CAMKMT: variants seen among roughly 807,000 people sequenced by gnomAD.
CAMKMT encodes the protein calmodulin-lysine N-methyltransferase.
In CAMKMT, 53 loss-of-function variants were observed where a neutral mutation model predicts 48.0. That is an observed-to-expected ratio of 1.10 (90% CI 0.89 to 1.39). The LOEUF (loss-of-function observed/expected upper bound fraction) is 1.39, where lower values mean the gene tolerates loss of function less well. Among genes scored for constraint, CAMKMT ranks in the 40% most tolerant of loss-of-function variants. The pLI, the probability that CAMKMT is intolerant of heterozygous loss-of-function variation, is 0.00. For missense variants in CAMKMT, 428 were observed against 402.7 expected (o/e 1.06, Z -0.54); for synonymous variants, 165 against 152.3 (o/e 1.08, Z -0.61).
chr2:44,654,220 G>A (rs1009300891), intron 3 of CAMKMT, among the ~76,000 whole-genome samples: 1 of 152,126 alleles, frequency 6.6e-6, no homozygotes, highest in Non-Finnish European at 1.5e-5. Flanking sequence ...TCCAAATCCA[G>A]TTGTGGGGGA....
intron 3 of CAMKMT, among the ~76,000 whole-genome samples, chr2:44,546,090 T>G (rs182989305): frequency 4.9e-4 from 74 of 151,870 alleles, no homozygotes; most frequent in Non-Finnish European, 4.4e-5. Context: ...GAGTTATCTT[T>G]TGTCTATAAC....
At chr2:44,687,704 G>A (rs1238730240) in intron 3 of CAMKMT, among the ~76,000 whole-genome samples, 2 of 152,162 alleles carry the variant, frequency 1.3e-5, no homozygotes, top group Non-Finnish European at 2.9e-5. Flanking sequence ...ATTAAACCAG[G>A]GATTGGTTTT....
At chr2:44,494,340 G>C (rs1294197605) in intron 3 of CAMKMT, among the ~76,000 whole-genome samples, 1 of 152,128 alleles carries the variant, frequency 6.6e-6, no homozygotes, top group Non-Finnish European at 1.5e-5. Flanking sequence ...TTGAGATTTT[G>C]TGAGTGGTAT....
intron 3 of CAMKMT, among the ~76,000 whole-genome samples, chr2:44,633,880 T>G (rs979520513): frequency 6.6e-6 from 1 of 152,176 alleles, no homozygotes; most frequent in Non-Finnish European, 1.5e-5. Flanking sequence ...GGTAGTCAGT[T>G]AAGCTACTTG....
At chr2:44,717,737 A>C (rs1678245545) in intron 7 of CAMKMT, among the ~76,000 whole-genome samples, 1 of 152,070 alleles carries the variant, frequency 6.6e-6, no homozygotes, top group African/African-American at 2.4e-5. Context: ...GCTTGACATG[A>C]GGTTTGTAAC....
At chr2:44,674,378 G>A (rs1158256573) in intron 3 of CAMKMT, among the ~76,000 whole-genome samples, 3 of 152,160 alleles carry the variant, frequency 2.0e-5, no homozygotes, top group Admixed American at 1.3e-4. Context: ...TCAGCATCTT[G>A]ACTGCAGGGA....
At chr2:44,451,190 A>C (rs1021743538) in intron 3 of CAMKMT, among the ~76,000 whole-genome samples, 1 of 152,104 alleles carries the variant, frequency 6.6e-6, no homozygotes, top group African/African-American at 2.4e-5. Context: ...TTATCATAGC[A>C]AAAGAAACAC....
intron 3 of CAMKMT, among the ~76,000 whole-genome samples, chr2:44,444,812 G>A (rs1018325439): frequency 6.6e-6 from 1 of 152,156 alleles, no homozygotes; most frequent in African/African-American, 2.4e-5. Context: ...CCAAATCTTA[G>A]CAAGCATAAC....
In CAMKMT at chr2:44,608,796, A is replaced by G. The variant is rs149129605; in HGVS notation, c.377-95487A>G. On this transcript the variant is annotated intron_variant, in intron 3 of 10. Coordinates refer to ENST00000378494, the MANE Select transcript of CAMKMT (RefSeq NM_024766.5). ...TTTCTTACCAGTCATTTTTGAAGAA[A>G]ACAGGGTCATTTGTCCTGTAAAATT... Among the ~76,000 whole-genome samples, 174 of 152,272 alleles carry G rather than the reference A, an allele frequency of 1.1e-3. 1 individual carries two copies. The East Asian group carries it at 0.025, about 22-fold the overall frequency.
intron 3 of CAMKMT, among the ~76,000 whole-genome samples, chr2:44,630,426 C>T (rs1401810727): frequency 6.7e-6 from 1 of 150,092 alleles, no homozygotes; most frequent in African/African-American, 2.4e-5. Context: ...AGCTTCTGCA[C>T]AGCAAAAGAA....
intron 7 of CAMKMT, among the ~76,000 whole-genome samples, chr2:44,731,821 C>A (rs1284426907): frequency 6.6e-6 from 1 of 152,254 alleles, no homozygotes; most frequent in Non-Finnish European, 1.5e-5. Context: ...CAATGATACT[C>A]AGCATCTCTC....
chr2:44,391,079 T>TC (rs201626733), intron 3 of CAMKMT, among the ~76,000 whole-genome samples: 48 of 152,322 alleles, frequency 3.2e-4, no homozygotes, highest in African/African-American at 1.2e-3. Context: ...GTACTCATAC[T>TC]CTTTTTCTCA....
intron 3 of CAMKMT, among the ~76,000 whole-genome samples, chr2:44,575,691 G>A (rs1234251839): frequency 2.6e-5 from 4 of 151,996 alleles, no homozygotes; most frequent in African/African-American, 9.7e-5. Flanking sequence ...GCAACATGGC[G>A]AAACCCCATC....
At chr2:44,692,197 T>A (rs1213237408) in intron 3 of CAMKMT, among the ~76,000 whole-genome samples, 1 of 152,132 alleles carries the variant, frequency 6.6e-6, no homozygotes, top group Non-Finnish European at 1.5e-5. Context: ...GTTGATAAAA[T>A]TCCCTGAATA....
In CAMKMT at chr2:44,708,137, C is replaced by G. The variant is rs555310914; in HGVS notation, c.556+675C>G. ...GCATAAATGTAGCTACTTTAGCAGT[C>G]GAGCTGATTTGTTCAGGGGCAGTTA... is the stretch of plus-strand genomic sequence containing the variant. On this transcript the variant is annotated intron_variant, in intron 6 of 10. Transcript: ENST00000378494. Among the ~76,000 whole-genome samples the G allele has an allele frequency of 2.1e-5, 3 of 145,724 alleles. No individual in the cohort carries two copies. In the East Asian group the frequency reaches 6.2e-4, roughly 30 times the overall value.
chr2:44,674,628 C>T (rs1411989290), intron 3 of CAMKMT, among the ~76,000 whole-genome samples: 4 of 152,280 alleles, frequency 2.6e-5, no homozygotes, highest in Admixed American at 6.5e-5. Context: ...CCCAGAATAA[C>T]GGAAGTGGTT....
intron 3 of CAMKMT, among the ~76,000 whole-genome samples, chr2:44,645,038 A>G (rs1452396052): frequency 6.6e-6 from 1 of 152,176 alleles, no homozygotes; most frequent in Non-Finnish European, 1.5e-5. Flanking sequence ...GTTCATGTCT[A>G]TGTTATTTTT....
intron 3 of CAMKMT, chr2:44,549,846 C>A (rs1397767702): frequency 1.8e-5 from 7 of 387,818 alleles, no homozygotes; most frequent in Non-Finnish European, 2.7e-5. Flanking sequence ...TGTCCCAGAC[C>A]CAGCTTCATT....
chr2:44,681,323 T>C (rs1027269483), intron 3 of CAMKMT, among the ~76,000 whole-genome samples: 1 of 152,200 alleles, frequency 6.6e-6, no homozygotes, highest in African/African-American at 2.4e-5. Context: ...CTGAGTTGTA[T>C]GTGGGTTGTT....
Sources: gnomAD v4.1 joint callset for allele counts (sites outside exome capture counted in the v4.1 genomes callset) on GRCh38, gnomAD v4.1.1 for gene constraint, MANE v1.5 for transcripts, NCBI Gene and HGNC (gene_info 2026-07-23, HGNC 2026-07-21) for gene names.